The following EYS variants were observed in gnomAD, a reference collection of about 807,000 sequenced individuals.
EYS encodes protein eyes shut homolog.
In EYS, 250 loss-of-function variants were observed where a neutral mutation model predicts 282.1. The observed-to-expected ratio is 0.89, with a 90% confidence interval of 0.80 to 0.98. EYS has a LOEUF of 0.98. Among genes scored for constraint, EYS ranks in the 50% least tolerant of loss-of-function variants. The pLI is 0.00. For synonymous variants in EYS, 1,355 were observed against 1,282.9 expected, an observed-to-expected ratio of 1.06 and a Z score of -1.20; for missense variants, 4,016 against 3,709.0, an observed-to-expected ratio of 1.08 and a Z score of -2.15.
At chr6:64,376,084 C>G (rs1278451265) in intron 29 of EYS, among the ~76,000 whole-genome samples, 1 of 152,104 alleles carries the variant, frequency 6.6e-6, no homozygotes, top group Non-Finnish European at 1.5e-5. Context: ...TAAGAAAGAT[C>G]TATCATTTCA....
At chr6:64,641,348 T>C (rs984254717) in intron 22 of EYS, among the ~76,000 whole-genome samples, 8 of 152,158 alleles carry the variant, frequency 5.3e-5, no homozygotes, top group African/African-American at 1.9e-4. Flanking sequence ...CATAATTCAA[T>C]TGCCTCCCAC....
intron 31 of EYS, among the ~76,000 whole-genome samples, chr6:64,119,485 G>C (rs1230802965): frequency 6.6e-6 from 1 of 152,124 alleles, no homozygotes; most frequent in Non-Finnish European, 1.5e-5. Context: ...AGGATATTTA[G>C]ATAATACAAT....
intron 33 of EYS, among the ~76,000 whole-genome samples, chr6:64,031,003 G>T (rs145881076): frequency 6.6e-6 from 1 of 152,224 alleles, no homozygotes; most frequent in Admixed American, 6.5e-5. Context: ...GAGAGGTGAC[G>T]GCGTGTGCCC....
chr6:64,046,212 G>A (rs1267647237), intron 33 of EYS, among the ~76,000 whole-genome samples: 1 of 151,662 alleles, frequency 6.6e-6, no homozygotes, highest in Non-Finnish European at 1.5e-5. Context: ...TTAGCTTCTT[G>A]AGGTTTGAGA....
At chr6:65,461,671 C>T (rs547418899) in intron 5 of EYS, among the ~76,000 whole-genome samples, 2 of 152,078 alleles carry the variant, frequency 1.3e-5, no homozygotes, top group Admixed American at 1.3e-4. Context: ...TTAAGCATAC[C>T]TTCTTAAGTT....
In EYS at chr6:64,796,947, G is replaced by A. The variant is rs535431501; in HGVS notation, c.3443+16431C>T. The stretch of plus-strand genomic sequence containing the variant: ...AATGTAGAATATTTTTCTCCGGCGG[G>A]TGGTGAAGGGAAACTCACATCAGTT... On this transcript the variant is annotated intron_variant, in intron 22 of 42. Transcript: ENST00000503581. 3.3e-5 allele frequency among the ~76,000 whole-genome samples: 5 copies of A among 152,174 alleles called. No homozygotes were observed. In the East Asian group the frequency reaches 7.8e-4, roughly 24 times the overall value.
At chr6:64,091,283 T>A (rs992321204) in intron 31 of EYS, among the ~76,000 whole-genome samples, 14 of 152,176 alleles carry the variant, frequency 9.2e-5, no homozygotes, top group Non-Finnish European at 1.0e-4. Flanking sequence ...GCCGTTGATT[T>A]ATATATAGAC....
chr6:64,548,935 A>T (rs1582881719), intron 26 of EYS, among the ~76,000 whole-genome samples: 1 of 152,320 alleles, frequency 6.6e-6, no homozygotes, highest in South Asian at 2.1e-4. Context: ...GCTGGAATTC[A>T]GGTAATGTGG....
intron 11 of EYS, among the ~76,000 whole-genome samples, chr6:65,317,825 C>CCTTCCTTTCTTCCTTT (rs1562092985): frequency 1.2e-5 from 1 of 81,258 alleles, no homozygotes; most frequent in African/African-American, 5.2e-5. Context: ...TTCCTTCCTT[C>CCTTCCTTTCTTCCTTT]CTTTCTTTCT....
At chr6:65,194,847 C>A (rs1765726776) in intron 12 of EYS, among the ~76,000 whole-genome samples, 1 of 145,014 alleles carries the variant, frequency 6.9e-6, no homozygotes, top group Non-Finnish European at 1.5e-5. Flanking sequence ...CTCATGTTTG[C>A]CAGTTGTTTT....
chr6:63,823,105 G>A (rs1771366682), intron 36 of EYS, among the ~76,000 whole-genome samples: 2 of 151,880 alleles, frequency 1.3e-5, no homozygotes. Flanking sequence ...AATAACCTTG[G>A]TATTCTTAGA....
At chr6:65,435,639 GA>G (rs1287344088) in intron 5 of EYS, among the ~76,000 whole-genome samples, 1 of 151,922 alleles carries the variant, frequency 6.6e-6, no homozygotes, top group East Asian at 1.9e-4. Flanking sequence ...ATCTCTAAAT[GA>G]AAAAAACCTT....
Position 64,591,931 on chromosome 6 carries a change from T to C in EYS, c.3936A>G (p.Thr1312=), listed in dbSNP as rs12662610. Residue 1312 remains threonine (T), a synonymous_variant, in exon 26 of 43, where the codon ACA becomes ACG. Coordinates refer to ENST00000503581, the MANE Select transcript of EYS (RefSeq NM_001142800.2). The part of the protein sequence containing the change: ...HDILPTTGLA[T]LRISTPLESY... ...TTTCCAAGGGTGTGCTAATTCTTAA[T>C]GTTGCCAAACCAGTGGTTGGGAGAA... 0.13 allele frequency: 195,481 copies of C among 1,532,292 alleles called. 13,596 individuals carry two copies. Among genetic ancestry groups the C allele is most frequent in the East Asian group, 0.15 (5,958 of 40,618 alleles). The allele number at this position is 1,532,292 out of a possible 1,614,324, so 94.9% of individuals were successfully genotyped here. A position where few individuals can be genotyped will look rare whatever the true frequency, so the allele number is the denominator to read the frequency against.
intron 12 of EYS, among the ~76,000 whole-genome samples, chr6:65,147,220 A>T (rs115293610): frequency 8.1e-4 from 123 of 152,156 alleles, no homozygotes; most frequent in Admixed American, 1.6e-3. Context: ...AGCACATGAC[A>T]AATATTTGTA....
chr6:65,467,371 A>C (rs530902156), intron 5 of EYS, among the ~76,000 whole-genome samples: 14 of 152,124 alleles, frequency 9.2e-5, no homozygotes, highest in Non-Finnish European at 1.9e-4. Context: ...AGATTTCCAC[A>C]AGGTTGCAGA....
intron 5 of EYS, 44 bp from the exon 6 acceptor site, chr6:65,405,411 G>C: frequency 6.8e-7 from 1 of 1,480,838 alleles, no homozygotes; most frequent in Non-Finnish European, 9.4e-7. Context: ...AAGGAAGGAA[G>C]GAAAGAAGAA....
chr6:65,043,671 A>C (rs1410616335), intron 13 of EYS, among the ~76,000 whole-genome samples: 1 of 151,334 alleles, frequency 6.6e-6, no homozygotes, highest in African/African-American at 2.4e-5. Flanking sequence ...GGATTATTTT[A>C]TTTAACATAA....
At chr6:64,497,940 A>AAT (rs569667504) in intron 26 of EYS, among the ~76,000 whole-genome samples, 71 of 152,290 alleles carry the variant, frequency 4.7e-4, no homozygotes, top group African/African-American at 1.7e-3. Context: ...GAGCTTATTA[A>AAT]GAGTCTGGGT....
At chr6:65,086,157 A>G (rs1374598062) in intron 12 of EYS, among the ~76,000 whole-genome samples, 1 of 152,066 alleles carries the variant, frequency 6.6e-6, no homozygotes, top group Non-Finnish European at 1.5e-5. Flanking sequence ...ATCTACTAAA[A>G]ATACAAAAAT....
Sources: allele counts gnomAD v4.1 joint callset (sites outside exome capture counted in the v4.1 genomes callset), GRCh38; gene constraint gnomAD v4.1.1; transcripts MANE v1.5; gene names NCBI Gene and HGNC (gene_info 2026-07-23, HGNC 2026-07-21).